The following BLM variants were observed in gnomAD, a reference collection of about 807,000 sequenced individuals.
The protein encoded by BLM is recQ-like DNA helicase BLM.
A neutral mutation model predicts 135.3 loss-of-function variants in BLM; 95 were observed. That is an observed-to-expected ratio of 0.70 (90% CI 0.59 to 0.83). The LOEUF is 0.83. Ranked by LOEUF, BLM falls within the 40% of genes least tolerant of loss-of-function variation. The pLI is 0.00. For synonymous variants in BLM, 520 were observed against 589.2 expected (o/e 0.88, Z 1.70); for missense variants, 1,518 against 1,663.9 (o/e 0.91, Z 1.53).
chr15:90,738,453 G>A (rs1292450114), intron 1 of BLM, among the ~76,000 whole-genome samples: 1 of 151,962 alleles, frequency 6.6e-6, no homozygotes, highest in Non-Finnish European at 1.5e-5. Context: ...ACTTTGCTGT[G>A]GTCCCAGCTA....
rs775134111 is a variant in BLM at position 90,798,227 on chromosome 15, G to A, written c.3248G>A (p.Ser1083Asn). 1.2e-6 allele frequency: 2 copies of A among 1,609,922 alleles called. No individual in the cohort carries two copies. Among genetic ancestry groups the A allele is most frequent in the South Asian group, 1.1e-5 (1 of 90,898 alleles). Residue 1083 changes from serine (S) to asparagine (N), a missense_variant, in exon 17 of 22, where the codon AGT (serine) becomes AAT (asparagine). Ser to Asn is a conservative substitution (Grantham distance 46). Around this residue, in one of 5 missense-constraint regions of BLM, gnomAD observed 626 missense variants for 681.1 expected, o/e 0.92. Coordinates refer to ENST00000355112, the MANE Select transcript of BLM (RefSeq NM_000057.4). Reference sequence around the variant, plus strand: ...AGAGATGTGACTGACGATGTGAAAAGTATTGTAAGATTTGTTCAAGAACAT... The same window carrying A: ...AGAGATGTGACTGACGATGTGAAAAATATTGTAAGATTTGTTCAAGAACAT... Reference protein sequence around the residue: ...KTRDVTDDVKSIVRFVQEHSS... With the variant: ...KTRDVTDDVKNIVRFVQEHSS...
intron 1 of BLM, among the ~76,000 whole-genome samples, chr15:90,718,544 C>G (rs530635735): frequency 6.6e-5 from 10 of 152,264 alleles, no homozygotes; most frequent in African/African-American, 2.2e-4. Flanking sequence ...AGCGGGTAGG[C>G]AAAAGTATTC....
In BLM at chr15:90,811,245, AG is replaced by A. The variant is rs764086459; in HGVS notation, c.3917del (p.Gly1306AlafsTer100). ...CAGGGATAAGCCTGTCCAGCAGCAG[AG>A]GCCCCGGAAGAAGTGCCGCTGAGGA... is the stretch of plus-strand genomic sequence containing the variant. ...SPGISLSSSR[G>X]PGRSAAEELD... On this transcript the variant is annotated frameshift_variant, in exon 21 of 22. Coordinates refer to ENST00000355112, the MANE Select transcript of BLM (RefSeq NM_000057.4). LOFTEE classifies it high-confidence loss of function. 1 of 1,614,038 alleles carries A rather than the reference AG, an allele frequency of 6.2e-7. No individual in the cohort carries two copies. Among genetic ancestry groups the A allele is most frequent in the South Asian group, 1.1e-5 (1 of 91,084 alleles).
chr15:90,760,745 C>T lies in BLM; in HGVS notation c.1372C>T (p.Leu458Phe), dbSNP rs1386680498. ...NSMKELNFSH[L>F]PSNSVSPGDC... ...TATGAAGGAGTTAAATTTTTCACACCTTCCCTCAAATTCTGTTTCTCCTGG... is the reference window on the plus strand; with the variant it reads ...TATGAAGGAGTTAAATTTTTCACACTTTCCCTCAAATTCTGTTTCTCCTGG... The change falls in exon 7 of 22, where the codon CTT becomes TTT. Residue 458 changes from leucine to phenylalanine, a missense_variant. Transcript: ENST00000355112. 1.2e-6 allele frequency: 2 copies of T among 1,614,040 alleles called. No individual in the cohort carries two copies. Among genetic ancestry groups the T allele is most frequent in the Admixed American group, 3.3e-5 (2 of 60,018 alleles).
At chr15:90,812,860 T>C (rs539788843) in intron 21 of BLM, among the ~76,000 whole-genome samples, 1 of 152,278 alleles carries the variant, frequency 6.6e-6, no homozygotes, top group South Asian at 2.1e-4. Flanking sequence ...TTAGAAAACG[T>C]TAGTTTAATT....
At chr15:90,776,908 A>G (rs984353742) in intron 12 of BLM, among the ~76,000 whole-genome samples, 3 of 152,230 alleles carry the variant, frequency 2.0e-5, no homozygotes, top group Admixed American at 1.3e-4. Context: ...CTTTCCAAAA[A>G]TGGGAAATGA....
intron 1 of BLM, among the ~76,000 whole-genome samples, chr15:90,728,393 T>C (rs1205898772): frequency 6.6e-6 from 1 of 151,992 alleles, no homozygotes; most frequent in South Asian, 2.1e-4. Context: ...TAGGTATATA[T>C]TATTTTCTTT....
At chr15:90,792,420 A>G (rs906578688) in intron 15 of BLM, among the ~76,000 whole-genome samples, 1 of 151,506 alleles carries the variant, frequency 6.6e-6, no homozygotes, top group African/African-American at 2.4e-5. Flanking sequence ...CCACTTTTAA[A>G]TTAACTCTGG....
chr15:90,738,948 A>G (rs1423012025), intron 1 of BLM, among the ~76,000 whole-genome samples: 2 of 152,262 alleles, frequency 1.3e-5, no homozygotes, highest in Non-Finnish European at 2.9e-5. Flanking sequence ...AACATAAATT[A>G]CCATATGATT....
At chr15:90,755,195 G>T in intron 5 of BLM, 1 of 478,434 alleles carries the variant, frequency 2.1e-6, no homozygotes, top group Non-Finnish European at 3.7e-6. Flanking sequence ...CTCATACTGA[G>T]CCAAGATCTG....
chr15:90,773,581 A>AT (rs1380130803), intron 12 of BLM, among the ~76,000 whole-genome samples: 1 of 120,044 alleles, frequency 8.3e-6, no homozygotes, highest in Non-Finnish European at 1.6e-5. Context: ...ATTTTAGAAC[A>AT]TTTTTGTCTC....
intron 12 of BLM, among the ~76,000 whole-genome samples, chr15:90,771,900 C>T: frequency 6.6e-6 from 1 of 152,194 alleles, no homozygotes; most frequent in East Asian, 1.9e-4. Context: ...TAGAGGCAGG[C>T]ACCTTGAATC....
intron 1 of BLM, among the ~76,000 whole-genome samples, chr15:90,722,300 C>T (rs898087256): frequency 1.3e-5 from 2 of 151,486 alleles, no homozygotes; most frequent in African/African-American, 2.4e-5. Flanking sequence ...TAGTAGAGAC[C>T]GGGTTTCACT....
At chr15:90,765,489 T>A in intron 9 of BLM, 75 bp downstream of exon 9, 1 of 1,183,534 alleles carries the variant, frequency 8.4e-7, no homozygotes, top group Non-Finnish European at 1.2e-6. Context: ...ACCTTTTTAT[T>A]AAATAGTTCG....
chr15:90,800,549 A>T (rs1245085665), intron 17 of BLM, among the ~76,000 whole-genome samples: 1 of 152,162 alleles, frequency 6.6e-6, no homozygotes, highest in Non-Finnish European at 1.5e-5. Flanking sequence ...GCGTGGTGGC[A>T]CACACCAGTA....
At chr15:90,718,421 A>C (rs1894666536) in intron 1 of BLM, among the ~76,000 whole-genome samples, 1 of 152,236 alleles carries the variant, frequency 6.6e-6, no homozygotes. Flanking sequence ...GAGATGGAGC[A>C]GGTGACTGAC....
At position 90,815,124 on chromosome 15, in the gene BLM, A is replaced by G. The variant is rs912021682; in HGVS notation, c.4099A>G (p.Ile1367Val). 1.2e-6 allele frequency: 2 copies of G among 1,614,120 alleles called. No individual in the cohort carries two copies. The highest frequency in any genetic ancestry group is 1.7e-6 in the Non-Finnish European group (2 of 1,180,034). The change falls in exon 22 of 22, where the codon ATA becomes GTA. Residue 1367 changes from isoleucine (I) to valine (V), a missense_variant. Ile to Val is a conservative substitution (Grantham distance 29). Transcript: ENST00000355112. The surrounding 1 kb of genome is among the most constrained non-coding windows in gnomAD (Gnocchi z 4.6). The part of the protein sequence containing the change: ...AKGGSATCRK[I>V]SSKTKSSSII... ...CAGGGGGTCTGCCACATGTAGAAAG[A>G]TATCTTCCAAAACGAAATCCTCCAG... is the stretch of plus-strand genomic sequence containing the variant.
intron 12 of BLM, among the ~76,000 whole-genome samples, chr15:90,778,181 G>T (rs1896527583): frequency 6.6e-6 from 1 of 152,088 alleles, no homozygotes; most frequent in African/African-American, 2.4e-5. Flanking sequence ...AGTAGAGATA[G>T]TTGTCTTGGT....
chr15:90,792,507 T>G lies in BLM; in HGVS notation c.3020-1660T>G, dbSNP rs28385084. On this transcript the variant is annotated intron_variant, in intron 15 of 21. Transcript: ENST00000355112. ...TGCATATATCACCTCATTACCTTAT[T>G]TGTTCAAAACAACTAACTTGTGATG... Among the ~76,000 whole-genome samples, 615 of 152,236 alleles carry G rather than the reference T, an allele frequency of 4.0e-3. 6 individuals carry two copies. Among genetic ancestry groups the G allele is most frequent in the Middle Eastern group, 0.034 (10 of 294 alleles).
Sources: gnomAD v4.1 joint callset for allele counts (sites outside exome capture counted in the v4.1 genomes callset) on GRCh38, gnomAD v4.1.1 for gene constraint, gnomAD v4.1.1 regional missense constraint, Gnocchi (gnomAD v3.1) non-coding constraint, MANE v1.5 for transcripts, NCBI Gene and HGNC (gene_info 2026-07-23, HGNC 2026-07-21) for gene names.